PLEC: variants seen among roughly 807,000 people sequenced by gnomAD.
PLEC encodes the protein plectin, also known as hemidesmosomal protein 1.
In PLEC, 216 loss-of-function variants were observed where a neutral mutation model predicts 392.8. The observed-to-expected ratio is 0.55, with a 90% CI of 0.49 to 0.62. PLEC has a LOEUF of 0.62. PLEC is among the 20% of genes least tolerant of loss of function. PLEC has a pLI of 0.00. For missense variants in PLEC, 6,863 were observed against 6,563.4 expected (o/e 1.05, Z -1.58); for synonymous variants, 3,621 against 2,980.6 (o/e 1.21, Z -7.00).
Position 143,947,177 on chromosome 8 carries a change from C to T in PLEC, c.523+3007G>A, listed in dbSNP as rs1007624619. Among the ~76,000 whole-genome samples the T allele has an allele frequency of 5.9e-5, 9 of 152,236 alleles. No individual in the cohort carries two copies. The East Asian group carries it at 1.3e-3, about 23-fold the overall frequency. On this transcript the variant is annotated intron_variant, in intron 1 of 31. Coordinates refer to the PLEC transcript ENST00000322810. Reference sequence around the variant, plus strand: ...GGGAAGAAGGGCAAGGCAGCCAGGCCACCTCCAGGCTTCCTCCTTGACGCA... The same window carrying T: ...GGGAAGAAGGGCAAGGCAGCCAGGCTACCTCCAGGCTTCCTCCTTGACGCA...
chr8:143,927,735 GGCT>G lies in PLEC; in HGVS notation c.3428_3430del (p.Gln1143del). 6.3e-7 allele frequency: 1 copy of G among 1,597,206 alleles called. No individual in the cohort carries two copies. On this transcript the variant is annotated inframe_deletion, in exon 27 of 32. Coordinates refer to ENST00000345136, the MANE Select transcript of PLEC (RefSeq NM_201384.3). ...CTCATCCCGCAGGGCGTCGAACGTG[GGCT>G]GCTGTGCCTCGGCCTGGGCCCGCAG...
intron 19 of PLEC, 35 bp downstream of exon 19, chr8:143,931,499 C>A: frequency 6.4e-7 from 1 of 1,560,292 alleles, no homozygotes. Flanking sequence ...CAGGCCAGCC[C>A]CTCCTGACAC....
upstream of PLEC, among the ~76,000 whole-genome samples, chr8:143,942,696 G>A (rs1490880344): frequency 6.6e-6 from 1 of 152,130 alleles, no homozygotes; most frequent in African/African-American, 2.4e-5. Context: ...CCTGCCCCTG[G>A]CGCGCAGCCC....
rs782418589 is a variant in PLEC at position 143,920,143 on chromosome 8, T to C, written c.9678A>G (p.Ser3226=). ...CAAAGGTCTCACGGGCCTGCAGCTC[T>C]GAGTAGAGCTCCTCCTGCCGGGCCC... ...AARARQEELY[S]ELQARETFEK... The change falls in exon 32 of 32, where the codon TCA becomes TCG. Residue 3226 remains serine (S), a synonymous_variant. Transcript: ENST00000345136. The C allele has an allele frequency of 1.6e-5, 26 of 1,612,648 alleles. No homozygotes were observed. In the Admixed American group the frequency reaches 3.2e-4, roughly 20 times the overall value.
Position 143,927,945 on chromosome 8 carries a change from T to C in PLEC, c.3308A>G (p.Glu1103Gly). 1 of 1,600,814 alleles carries C rather than the reference T, an allele frequency of 6.2e-7. No homozygotes were observed. Among genetic ancestry groups the C allele is most frequent in the African/African-American group, 1.3e-5 (1 of 74,868 alleles). ...CTGCTCCTCGTGGGCCCTGAGCACC[T>C]CCTCGGCCCCCTGCGTGCCGCGGAT... ...LVIRGTQGAE[E>G]VLRAHEEQLK... Residue 1103 changes from glutamate (E) to glycine (G), a missense_variant, in exon 26 of 32, where the codon GAG (glutamate) becomes GGG (glycine). Glu to Gly is a moderately conservative substitution (Grantham distance 98). Coordinates refer to ENST00000345136, the MANE Select transcript of PLEC (RefSeq NM_201384.3).
upstream of PLEC, among the ~76,000 whole-genome samples, chr8:143,958,350 C>T (rs1832705788): frequency 6.6e-6 from 1 of 152,160 alleles, no homozygotes; most frequent in South Asian, 2.1e-4. The surrounding 1 kb of genome is among the most constrained non-coding windows in gnomAD (Gnocchi z 4.9). Context: ...GGTCATCTCT[C>T]CGAGCCACAT....
Position 143,924,012 on chromosome 8 carries a change from G to GCTGCCT in PLEC, c.5911_5916dup (p.Arg1973_Gln1974dup). 6.3e-7 allele frequency: 1 copy of GCTGCCT among 1,588,254 alleles called. No individual in the cohort carries two copies. The highest frequency in any genetic ancestry group is 1.1e-5 in the South Asian group (1 of 89,956). On this transcript the variant is annotated inframe_insertion, in exon 31 of 32. Transcript: ENST00000345136. The stretch of plus-strand genomic sequence containing the variant: ...CGCTCCTCCTCCGCCGCCAGCTGCC[G>GCTGCCT]CTGCCTCGCAGCCTCCAGCTCGGCC...
intron 1 of PLEC, among the ~76,000 whole-genome samples, chr8:143,972,958 C>T (rs1424276006): frequency 6.6e-6 from 1 of 152,202 alleles, no homozygotes; most frequent in African/African-American, 2.4e-5. Context: ...CAGCCCAGGC[C>T]CTCGCCAGTT....
Position 143,920,370 on chromosome 8 carries a change from G to C in PLEC, c.9451C>G (p.Arg3151Gly). Residue 3151 changes from arginine to glycine, a missense_variant, in exon 32 of 32, where the codon CGC becomes GGC. By Grantham distance (125) the Arg-to-Gly change is moderately radical (BLOSUM62 -2). Transcript: ENST00000345136. ...GCGCAGGCGACATCCAGGGGCACGC[G>C]GTGGCTCTTGCTGGGGTCCACGATG... ...GGIVDPSKSH[R>G]VPLDVACARG... 2 of 1,593,456 alleles carry C rather than the reference G, an allele frequency of 1.3e-6. No homozygotes were observed. Among genetic ancestry groups the C allele is most frequent in the Non-Finnish European group, 1.7e-6 (2 of 1,173,896 alleles).
In PLEC at chr8:143,930,438, G is replaced by T; in HGVS notation, c.2403C>A (p.His801Gln). Residue 801 changes from histidine to glutamine, a missense_variant, in exon 20 of 32, where the codon CAC becomes CAA. Coordinates refer to ENST00000345136, the MANE Select transcript of PLEC (RefSeq NM_201384.3). ...GCAGGGGCAGGCGGCCCCGCATGGG[G>T]TGGGCTGGGTGGCGGGGCTTCAGCT... The part of the protein sequence containing the change: ...VVQLKPRHPA[H>Q]PMRGRLPLLA... The T allele has an allele frequency of 1.9e-6, 3 of 1,575,214 alleles. No individual in the cohort carries two copies. Among genetic ancestry groups the T allele is most frequent in the Non-Finnish European group, 2.6e-6 (3 of 1,161,340 alleles).
At chr8:143,957,489 C>T (rs1325281703), upstream of PLEC, among the ~76,000 whole-genome samples, 3 of 152,222 alleles carry the variant, frequency 2.0e-5, no homozygotes, top group African/African-American at 7.2e-5. Flanking sequence ...CCAGGTCTCA[C>T]ACCCTGGGCA....
intron 18 of PLEC, 33 bp downstream of exon 18, chr8:143,931,904 G>A (rs1827379968): frequency 1.3e-6 from 2 of 1,569,952 alleles, no homozygotes; most frequent in African/African-American, 1.3e-5. Context: ...GGCTGCCGCT[G>A]AGCCACAGTG....
intron 1 of PLEC, chr8:143,944,782 G>A (rs1831196378): frequency 1.9e-5 from 21 of 1,104,000 alleles, no homozygotes; most frequent in Admixed American, 4.2e-5. Flanking sequence ...GGAGGGCACG[G>A]CCGTGCTGCT....
At chr8:143,970,876 ACTGT>A (rs1219738676) in intron 1 of PLEC, among the ~76,000 whole-genome samples, 11 of 152,098 alleles carry the variant, frequency 7.2e-5, no homozygotes, top group African/African-American at 2.4e-4. Flanking sequence ...AGCTGGGCCG[ACTGT>A]CTAAGTCACC....
intron 25 of PLEC, among the ~76,000 whole-genome samples, chr8:143,928,436 C>A (rs929204691): frequency 1.3e-5 from 2 of 151,636 alleles, no homozygotes; most frequent in East Asian, 3.9e-4. Flanking sequence ...GAGGAGTAGA[C>A]AGCGGGTGGA....
In PLEC at chr8:143,926,572, G is replaced by A. The variant is rs7017644; in HGVS notation, c.4044+212C>T. Among the ~76,000 whole-genome samples the A allele has an allele frequency of 0.3, 45,991 of 152,158 alleles. 8,640 individuals are homozygous for A. The highest frequency in any genetic ancestry group is 0.41 in the Non-Finnish European group (28,182 of 67,944). On this transcript the variant is annotated intron_variant, in intron 30 of 31. Transcript: ENST00000345136. ...GAGAGGCGGCACCAGCCACTGTGGG[G>A]GAGCAGTGTAGCCACACCAGGCCAG...
rs374871388 is a variant in PLEC, at chr8:143,939,507, G to A, written c.-46C>T. 4 of 1,578,500 alleles carry A rather than the reference G, an allele frequency of 2.5e-6. No individual in the cohort carries two copies. Among genetic ancestry groups the A allele is most frequent in the African/African-American group, 2.7e-5 (2 of 74,266 alleles). The stretch of plus-strand genomic sequence containing the variant: ...GCCCGGACCCTCGGCCTCAGGCACG[G>A]TGCTCTGGGCAGCCCCGTGTGGCAC... On this transcript the variant is annotated 5_prime_UTR_variant, in exon 1 of 32. Transcript: ENST00000345136.
At chr8:143,953,823 C>T (rs1554738272), upstream of PLEC, 2 of 1,607,988 alleles carry the variant, frequency 1.2e-6, no homozygotes, top group African/African-American at 1.3e-5. Flanking sequence ...GAGTCCAGCC[C>T]CGCACCGCAC....
At position 143,917,799 on chromosome 8, in the gene PLEC, C is replaced by T. The variant is rs541833704; in HGVS notation, c.12022G>A (p.Glu4008Lys). 7.4e-6 allele frequency: 12 copies of T among 1,613,462 alleles called. No individual in the cohort carries two copies. Among genetic ancestry groups the T allele is most frequent in the East Asian group, 2.2e-5 (1 of 44,874 alleles). The change falls in exon 32 of 32, where the codon GAG (glutamate) becomes AAG (lysine). Residue 4008 changes from glutamate (E) to lysine (K), a missense_variant. Physicochemically the swap from Glu to Lys is moderately conservative, Grantham distance 56. Transcript: ENST00000345136. ...PEFKDKLLSA[E>K]RAVTGYKDPY... ...TCCTTGTACCCAGTGACGGCGCGCT[C>T]GGCCGACAGCAGCTTGTCCTTGAAC...
Sources: allele counts gnomAD v4.1 joint callset (sites outside exome capture counted in the v4.1 genomes callset), GRCh38; gene constraint gnomAD v4.1.1; non-coding constraint Gnocchi (gnomAD v3.1); transcripts MANE v1.5; gene names NCBI Gene and HGNC (gene_info 2026-07-23, HGNC 2026-07-21).